The following DGLUCY variants were observed in gnomAD, a reference collection of about 807,000 sequenced individuals.
The protein encoded by DGLUCY is D-glutamate cyclase, mitochondrial.
In DGLUCY, 58 loss-of-function variants were observed where a neutral mutation model predicts 58.5. That is an observed-to-expected ratio of 0.99 (90% CI 0.80 to 1.23). The LOEUF is 1.23. DGLUCY is among the 50% of genes most tolerant of loss of function. The pLI is 0.00. For synonymous variants in DGLUCY, 325 were observed against 314.1 expected (o/e 1.03, Z -0.37); for missense variants, 779 against 784.7 (o/e 0.99, Z 0.09).
intron 1 of DGLUCY, among the ~76,000 whole-genome samples, chr14:91,086,257 GATA>G (rs1308813847): frequency 1.3e-5 from 2 of 152,044 alleles, no homozygotes; most frequent in South Asian, 2.1e-4. Context: ...ATTACAATGT[GATA>G]ATAATAGAAA....
chr14:91,180,042 A>G (rs1566987601), intron 7 of DGLUCY, among the ~76,000 whole-genome samples: 1 of 150,304 alleles, frequency 6.7e-6, no homozygotes, highest in East Asian at 2.1e-4. Flanking sequence ...CAGGCGCACC[A>G]CCAAGCTGGG....
At chr14:91,202,265 G>A (rs1247878195) in intron 11 of DGLUCY, among the ~76,000 whole-genome samples, 1 of 151,934 alleles carries the variant, frequency 6.6e-6, no homozygotes, top group East Asian at 1.9e-4. Flanking sequence ...AGACTCCTGG[G>A]GCCCCAGCCC....
chr14:91,212,667 A>C (rs567107259), intron 12 of DGLUCY, among the ~76,000 whole-genome samples: 15 of 151,762 alleles, frequency 9.9e-5, no homozygotes, highest in Admixed American at 3.9e-4. Flanking sequence ...GCGCCACTGC[A>C]CTCCAGCCTG....
intron 11 of DGLUCY, among the ~76,000 whole-genome samples, chr14:91,202,782 G>C (rs1166645572): frequency 6.6e-6 from 1 of 152,216 alleles, no homozygotes; most frequent in African/African-American, 2.4e-5. Context: ...TGAGATCCCA[G>C]AGGAGGCAGG....
chr14:91,134,748 A>G (rs1002331856), intron 1 of DGLUCY, among the ~76,000 whole-genome samples: 2 of 151,558 alleles, frequency 1.3e-5, no homozygotes, highest in Admixed American at 6.6e-5. Flanking sequence ...TCACAATTAC[A>G]TTTCTAACTG....
chr14:91,221,222 C>A (rs1257823128), intron 13 of DGLUCY, among the ~76,000 whole-genome samples: 1 of 152,210 alleles, frequency 6.6e-6, no homozygotes, highest in East Asian at 1.9e-4. Context: ...AGAAGAGGAC[C>A]CTGTTATTCA....
chr14:91,203,467 A>G (rs1307911284), intron 11 of DGLUCY, among the ~76,000 whole-genome samples: 1 of 152,198 alleles, frequency 6.6e-6, no homozygotes, highest in Non-Finnish European at 1.5e-5. Flanking sequence ...AGGCTTGGAG[A>G]GTCCAGCCCT....
upstream of DGLUCY, among the ~76,000 whole-genome samples, chr14:91,104,007 C>T (rs898891117): frequency 2.7e-5 from 4 of 150,810 alleles, no homozygotes; most frequent in Non-Finnish European, 4.4e-5. Context: ...CAGTAGTGCT[C>T]AACCTAGGAT....
chr14:91,224,035 C>T (rs190403112), intron 13 of DGLUCY, among the ~76,000 whole-genome samples: 4 of 152,306 alleles, frequency 2.6e-5, no homozygotes, highest in Non-Finnish European at 4.4e-5. Flanking sequence ...CCCACTCCCA[C>T]AGTCACCCTG....
chr14:91,083,541 CAGAG>C (rs35101192), intron 1 of DGLUCY, among the ~76,000 whole-genome samples: 2,448 of 139,426 alleles, frequency 0.018, 41 homozygotes, highest in African/African-American at 0.046. Flanking sequence ...AAAAAAAAAA[CAGAG>C]AGAACGATCC....
chr14:91,135,891 C>A (rs1036736005), intron 1 of DGLUCY, among the ~76,000 whole-genome samples: 2 of 123,752 alleles, frequency 1.6e-5, no homozygotes, highest in East Asian at 5.0e-4. Flanking sequence ...ATCTTGGATT[C>A]TTGGGGTAAT....
At chr14:91,090,969 G>A (rs2044301365) in intron 1 of DGLUCY, 1 of 152,232 alleles carries the variant, frequency 6.6e-6, no homozygotes, top group Non-Finnish European at 1.5e-5. Context: ...CTGCAAGAGA[G>A]GGAGGAAGGT....
At chr14:91,096,180 G>A (rs1446557896) in intron 1 of DGLUCY, among the ~76,000 whole-genome samples, 1 of 152,180 alleles carries the variant, frequency 6.6e-6, no homozygotes, top group Non-Finnish European at 1.5e-5. Flanking sequence ...TTGGGAGGCT[G>A]AGGCAGGCAG....
At chr14:91,092,123 C>A (rs368959794) in intron 1 of DGLUCY, among the ~76,000 whole-genome samples, 1 of 152,198 alleles carries the variant, frequency 6.6e-6, no homozygotes, top group East Asian at 1.9e-4. Context: ...TTCCTTGGAG[C>A]CTTTCCTGAT....
intron 11 of DGLUCY, among the ~76,000 whole-genome samples, chr14:91,202,319 T>C (rs1377860767): frequency 6.6e-6 from 1 of 152,072 alleles, no homozygotes; most frequent in African/African-American, 2.4e-5. Context: ...AAAGGCTTAG[T>C]GTAAGCCCCA....
At chr14:91,090,894 C>T (rs969523723) in intron 1 of DGLUCY, among the ~76,000 whole-genome samples, 1 of 152,194 alleles carries the variant, frequency 6.6e-6, no homozygotes, top group African/African-American at 2.4e-5. Flanking sequence ...TCCTGCAGGG[C>T]GAATCCACCC....
Position 91,186,430 on chromosome 14 carries a change from A to G in DGLUCY, c.935-2480A>G, listed in dbSNP as rs1375676455. On this transcript the variant is annotated intron_variant, in intron 8 of 13. Transcript: ENST00000256324. The stretch of plus-strand genomic sequence containing the variant: ...CCCGGCTAATTTTTGTATTTTTATT[A>G]GAGACGGGGTTTCACCATGTTGGCC... Among the ~76,000 whole-genome samples, 6 of 152,106 alleles carry G rather than the reference A, an allele frequency of 3.9e-5. No individual in the cohort carries two copies. The East Asian group carries it at 1.2e-3, about 29-fold the overall frequency.
In DGLUCY at chr14:91,117,204, T is replaced by C. The variant is rs184620290; in HGVS notation, c.-82+2921T>C. On this transcript the variant is annotated intron_variant, in intron 1 of 13. Coordinates refer to ENST00000256324, the MANE Select transcript of DGLUCY (RefSeq NM_001102368.3). The stretch of plus-strand genomic sequence containing the variant: ...GTGTCTTTTGCATGCTAATGCATTA[T>C]GGTTAGTGTATAATAAGCAGTGAGG... 9.0e-4 allele frequency among the ~76,000 whole-genome samples: 137 copies of C among 152,340 alleles called. 1 individual carries two copies. The highest frequency in any genetic ancestry group is 3.2e-3 in the African/African-American group (134 of 41,578).
rs781217872 is a variant in DGLUCY at position 91,120,878 on chromosome 14, G to T, written c.-82+6595G>T. Among the ~76,000 whole-genome samples, 5 of 152,274 alleles carry T rather than the reference G, an allele frequency of 3.3e-5. No individual in the cohort carries two copies. The East Asian group carries it at 7.7e-4, about 24-fold the overall frequency. On this transcript the variant is annotated intron_variant, in intron 1 of 13. Transcript: ENST00000256324. ...GCTTCTCAAATACTTACGACAGAGG[G>T]TCTCTGAGGGATGTTCTTCTTCACA...
Sources: allele counts gnomAD v4.1 joint callset (sites outside exome capture counted in the v4.1 genomes callset), GRCh38; gene constraint gnomAD v4.1.1; transcripts MANE v1.5; gene names NCBI Gene and HGNC (gene_info 2026-07-23, HGNC 2026-07-21).